ADCY1: variants seen among roughly 807,000 people sequenced by gnomAD.
ADCY1 encodes the protein adenylate cyclase 1, also known as adenylate cyclase type 1.
ADCY1 carries 28 observed loss-of-function variants against 105.4 expected under a neutral mutation model. The ratio of observed to expected loss-of-function variants is 0.27; its 90% CI spans 0.20 to 0.36. The LOEUF (loss-of-function observed/expected upper bound fraction) is 0.36, where lower values mean the gene tolerates loss of function less well. ADCY1 is among the 10% of genes least tolerant of loss of function. The probability of loss-of-function intolerance (pLI) is 1.00; values close to 1 mark genes in which losing one functional copy is unlikely to be tolerated. For missense variants in ADCY1, 977 were observed against 1,434.2 expected (o/e 0.68, Z 5.15); for synonymous variants, 655 against 623.8 (o/e 1.05, Z -0.75).
Position 45,722,790 on chromosome 7 carries a change from T to TAGA in ADCY1, c.*8798_*8800dup. The TAGA allele has an allele frequency of 6.5e-6, 1 of 152,710 alleles. No homozygotes were observed. The highest frequency in any genetic ancestry group is 3.4e-3 in the Middle Eastern group (1 of 294). The allele number at this position is 152,710 out of a possible 1,614,324, so 9.5% of individuals were successfully genotyped here. The stretch of plus-strand genomic sequence containing the variant: ...ATACAACTCACTGAGGATGCTTCTG[T>TAGA]AGAAGTGAGAAACACGATGAGTACA... On this transcript the variant is annotated 3_prime_UTR_variant, in exon 20 of 20. Coordinates refer to ENST00000297323, the MANE Select transcript of ADCY1 (RefSeq NM_021116.4).
At chr7:45,712,939 T>G (rs1785291212) in intron 19 of ADCY1, among the ~76,000 whole-genome samples, 1 of 152,210 alleles carries the variant, frequency 6.6e-6, no homozygotes, top group African/African-American at 2.4e-5. Flanking sequence ...ACAGTTTGCC[T>G]GCTGCCCTCC....
chr7:45,575,033 TG>T lies in ADCY1; in HGVS notation c.492del (p.Trp164CysfsTer22). The T allele has an allele frequency of 6.2e-7, 1 of 1,612,600 alleles. No homozygotes were observed. Among genetic ancestry groups the T allele is most frequent in the Non-Finnish European group, 8.5e-7 (1 of 1,179,810 alleles). On this transcript the variant is annotated frameshift_variant, in exon 1 of 20. Transcript: ENST00000297323. LOFTEE classifies it high-confidence loss of function. The surrounding 1 kb of genome is among the most constrained non-coding windows in gnomAD (Gnocchi z 4.7). ...GGPATAEQGV[W>X]QLLLVTFVSY... ...GCCAGCGACCGCCGAACAAGGGGTT[TG>T]GCAGCTCCTTTTGGTCACCTTCGTG... is the stretch of plus-strand genomic sequence containing the variant.
chr7:45,622,175 C>G (rs991504735), intron 3 of ADCY1, among the ~76,000 whole-genome samples: 1 of 152,154 alleles, frequency 6.6e-6, no homozygotes, highest in Non-Finnish European at 1.5e-5. Flanking sequence ...GCATTGACAC[C>G]ACACTCAGGG....
At chr7:45,614,678 G>A (rs992999367) in intron 3 of ADCY1, among the ~76,000 whole-genome samples, 3 of 152,140 alleles carry the variant, frequency 2.0e-5, no homozygotes, top group Non-Finnish European at 4.4e-5. Context: ...GACAGTGAAA[G>A]GATGGAAGGA....
chr7:45,639,198 C>A (rs1277385950), intron 4 of ADCY1, among the ~76,000 whole-genome samples: 1 of 152,198 alleles, frequency 6.6e-6, no homozygotes, highest in Non-Finnish European at 1.5e-5. Context: ...TATTTACCTC[C>A]TTAGCCATGG....
chr7:45,683,055 A>G (rs1784592803), intron 11 of ADCY1, among the ~76,000 whole-genome samples: 1 of 152,080 alleles, frequency 6.6e-6, no homozygotes, highest in Non-Finnish European at 1.5e-5. Context: ...CACTTTGTTC[A>G]TGAGCCCATT....
At chr7:45,594,169 C>T (rs974491341) in intron 2 of ADCY1, among the ~76,000 whole-genome samples, 1 of 151,896 alleles carries the variant, frequency 6.6e-6, no homozygotes, top group African/African-American at 2.4e-5. Context: ...GCCTGTATGT[C>T]TGTGTGTGTA....
intron 4 of ADCY1, among the ~76,000 whole-genome samples, chr7:45,627,282 A>C (rs535257988): frequency 6.6e-6 from 1 of 152,128 alleles, no homozygotes; most frequent in Admixed American, 6.5e-5. Context: ...GAGAACTCCT[A>C]CTCATCCTTG....
chr7:45,679,213 C>T (rs1307227066), intron 10 of ADCY1, among the ~76,000 whole-genome samples: 7 of 152,304 alleles, frequency 4.6e-5, no homozygotes, highest in African/African-American at 7.2e-5. Flanking sequence ...CCCACACCTG[C>T]GGAGGAGGAG....
intron 4 of ADCY1, among the ~76,000 whole-genome samples, chr7:45,639,316 C>T (rs1368006795): frequency 6.6e-6 from 1 of 152,206 alleles, no homozygotes; most frequent in East Asian, 1.9e-4. Flanking sequence ...AGACTGGCCA[C>T]ACCCCTTTGA....
chr7:45,686,246 T>A lies in ADCY1; in HGVS notation c.2327+31T>A, dbSNP rs114654545. 1,210 of 1,601,790 alleles carry A rather than the reference T, an allele frequency of 7.6e-4. 10 individuals carry two copies. The African/African-American group carries it at 0.014, about 18-fold the overall frequency. ...TGTGTGGCTCCTCAAGAAAAAGGCC[T>A]AAGCAGCGGTGCTACTGAATCTGTG... On this transcript the variant is annotated intron_variant, in intron 13 of 19. Transcript: ENST00000297323. The surrounding 1 kb of genome is among the most constrained non-coding windows in gnomAD (Gnocchi z 4.3).
At chr7:45,665,709 C>T (rs1784228818) in intron 8 of ADCY1, among the ~76,000 whole-genome samples, 1 of 152,184 alleles carries the variant, frequency 6.6e-6, no homozygotes, top group South Asian at 2.1e-4. Context: ...TTGTCTTCCA[C>T]ACCTTTTCAC....
chr7:45,575,225 T>C lies in ADCY1; in HGVS notation c.639+43T>C. The C allele has an allele frequency of 6.5e-7, 1 of 1,529,424 alleles. No individual in the cohort carries two copies. The highest frequency in any genetic ancestry group is 8.7e-7 in the Non-Finnish European group (1 of 1,143,860). The allele number at this position is 1,529,424 out of a possible 1,614,324, so 94.7% of individuals were successfully genotyped here. On this transcript the variant is annotated intron_variant, in intron 1 of 19. Transcript: ENST00000297323. This position sits in a 1 kb window ranked among gnomAD's most constrained non-coding sequence, Gnocchi z 4.7. ...CCCCTCATCTGGTCTCGGACACACT[T>C]GCTGGGACGATGCTGGGAATGCCCG...
chr7:45,622,140 G>A (rs1310606719), intron 3 of ADCY1, among the ~76,000 whole-genome samples: 1 of 152,054 alleles, frequency 6.6e-6, no homozygotes, highest in African/African-American at 2.4e-5. Context: ...AGGAATTCGG[G>A]GACTCCCTCC....
At chr7:45,690,607 G>A (rs1475903111) in intron 14 of ADCY1, among the ~76,000 whole-genome samples, 1 of 152,240 alleles carries the variant, frequency 6.6e-6, no homozygotes, top group Non-Finnish European at 1.5e-5. Flanking sequence ...GTACAGAACC[G>A]GTGGGGAATG....
At chr7:45,646,280 C>A (rs766746918) in intron 4 of ADCY1, among the ~76,000 whole-genome samples, 37 of 152,144 alleles carry the variant, frequency 2.4e-4, no homozygotes, top group Non-Finnish European at 5.0e-4. Context: ...GGGGTCCTGC[C>A]TTCAGTTTTG....
At position 45,686,224 on chromosome 7, in the gene ADCY1, G is replaced by A; in HGVS notation, c.2327+9G>A. On this transcript the variant is annotated intron_variant, in intron 13 of 19. Coordinates refer to ENST00000297323, the MANE Select transcript of ADCY1 (RefSeq NM_021116.4). This position sits in a 1 kb window ranked among gnomAD's most constrained non-coding sequence, Gnocchi z 4.3. Reference sequence around the variant, plus strand: ...GGATACACCAGGACTGGGTAAGTGTGTGGCTCCTCAAGAAAAAGGCCTAAG... The same window carrying A: ...GGATACACCAGGACTGGGTAAGTGTATGGCTCCTCAAGAAAAAGGCCTAAG... 1 of 1,611,142 alleles carries A rather than the reference G, an allele frequency of 6.2e-7. No individual in the cohort carries two copies. The highest frequency in any genetic ancestry group is 8.5e-7 in the Non-Finnish European group (1 of 1,178,188).
intron 14 of ADCY1, among the ~76,000 whole-genome samples, chr7:45,688,358 G>A (rs1178300659): frequency 6.6e-6 from 1 of 152,238 alleles, no homozygotes; most frequent in African/African-American, 2.4e-5. Flanking sequence ...AGGCTGAGCA[G>A]CCCTTTGTCT....
At chr7:45,678,839 T>A (rs1784509063) in intron 10 of ADCY1, among the ~76,000 whole-genome samples, 1 of 151,928 alleles carries the variant, frequency 6.6e-6, no homozygotes, top group African/African-American at 2.4e-5. Context: ...TGAGCTATGA[T>A]CTCACCACTA....
Sources: gnomAD v4.1 joint callset for allele counts (sites outside exome capture counted in the v4.1 genomes callset) on GRCh38, gnomAD v4.1.1 for gene constraint, Gnocchi (gnomAD v3.1) non-coding constraint, MANE v1.5 for transcripts, NCBI Gene and HGNC (gene_info 2026-07-23, HGNC 2026-07-21) for gene names.